TMEM117: variants seen among roughly 807,000 people sequenced by gnomAD.
TMEM117 encodes transmembrane protein 117.
TMEM117 carries 27 observed loss-of-function variants against 52.4 expected under a neutral mutation model. The observed-to-expected ratio is 0.51, with a 90% CI of 0.38 to 0.71. TMEM117 has a LOEUF of 0.71. Among genes scored for constraint, TMEM117 ranks in the 30% least tolerant of loss-of-function variants. The pLI is 0.00. For missense variants in TMEM117, 556 were observed against 630.5 expected (o/e 0.88, Z 1.26); for synonymous variants, 215 against 206.3 (o/e 1.04, Z -0.36).
chr12:43,844,601 CCTAT>C lies in TMEM117; in HGVS notation c.-28-16_-28-13del. The stretch of plus-strand genomic sequence containing the variant: ...CCATTACTTGTTTTCCTCCTCTAAC[CCTAT>C]CTATCTTTTCTTATACAGGTAAACT... On this transcript the variant is annotated intron_variant, in intron 1 of 7. Transcript: ENST00000266534. The C allele has an allele frequency of 6.4e-7, 1 of 1,570,722 alleles. No homozygotes were observed. The highest frequency in any genetic ancestry group is 2.2e-5 in the East Asian group (1 of 44,632).
chr12:43,865,509 C>A (rs1943576379), intron 2 of TMEM117, among the ~76,000 whole-genome samples: 2 of 151,892 alleles, frequency 1.3e-5, no homozygotes, highest in Admixed American at 1.3e-4. Flanking sequence ...CCAGCCTGGC[C>A]AGCATCATGA....
At chr12:43,894,904 A>T (rs1944172268) in intron 2 of TMEM117, among the ~76,000 whole-genome samples, 1 of 152,228 alleles carries the variant, frequency 6.6e-6, no homozygotes, top group Non-Finnish European at 1.5e-5. Flanking sequence ...ATATATACAG[A>T]AATAAAAACT....
chr12:44,035,283 G>A (rs1051168898), intron 3 of TMEM117, among the ~76,000 whole-genome samples: 2 of 152,114 alleles, frequency 1.3e-5, no homozygotes, highest in Non-Finnish European at 1.5e-5. Context: ...GGATGGTCTC[G>A]TTTTTCTCAC....
intron 2 of TMEM117, among the ~76,000 whole-genome samples, chr12:43,894,610 G>C (rs1318426835): frequency 6.6e-6 from 1 of 151,668 alleles, no homozygotes; most frequent in Non-Finnish European, 1.5e-5. Flanking sequence ...AAGTCTGTGT[G>C]TTCTCATCAT....
chr12:44,304,904 G>A (rs1042619871), intron 6 of TMEM117, among the ~76,000 whole-genome samples: 3 of 152,182 alleles, frequency 2.0e-5, no homozygotes, highest in Admixed American at 6.5e-5. Flanking sequence ...TGGCCATGGC[G>A]AGATATTCCT....
chr12:44,357,518 G>T (rs1467252667), intron 6 of TMEM117, among the ~76,000 whole-genome samples: 2 of 152,030 alleles, frequency 1.3e-5, no homozygotes, highest in Non-Finnish European at 2.9e-5. Context: ...GATAGAGTGT[G>T]GCTATACATA....
rs573566448 is a variant in TMEM117 at position 44,241,784 on chromosome 12, T to G, written c.608+30397T>G. Among the ~76,000 whole-genome samples the G allele has an allele frequency of 3.3e-5, 5 of 152,130 alleles. No homozygotes were observed. The South Asian group carries it at 1.0e-3, about 32-fold the overall frequency. ...CATCTTCCCCCACAGTTTTGATATA[T>G]CATTGGCATTATATACTAATCTCTG... On this transcript the variant is annotated intron_variant, in intron 5 of 7. Coordinates refer to ENST00000266534, the MANE Select transcript of TMEM117 (RefSeq NM_032256.3).
In TMEM117 at chr12:44,359,372, T is replaced by C. The variant is rs1001444201; in HGVS notation, c.769-17223T>C. Among the ~76,000 whole-genome samples, 19 of 152,218 alleles carry C rather than the reference T, an allele frequency of 1.2e-4. No homozygotes were observed. In the South Asian group the frequency reaches 1.9e-3, roughly 15 times the overall value. On this transcript the variant is annotated intron_variant, in intron 6 of 7. Coordinates refer to ENST00000266534, the MANE Select transcript of TMEM117 (RefSeq NM_032256.3). ...TATAATTTTACTACAATAATAAAAC[T>C]AATTTGATATATTACCTTATGTCTT... is the stretch of plus-strand genomic sequence containing the variant.
chr12:44,129,917 C>T (rs1229544157), intron 3 of TMEM117, among the ~76,000 whole-genome samples: 3 of 152,154 alleles, frequency 2.0e-5, no homozygotes, highest in Non-Finnish European at 2.9e-5. Context: ...TCAGCTTCAT[C>T]GTTTATTATT....
At chr12:44,065,734 TGAGCAG>T (rs1161539007) in intron 3 of TMEM117, among the ~76,000 whole-genome samples, 2 of 152,154 alleles carry the variant, frequency 1.3e-5, no homozygotes, top group Non-Finnish European at 2.9e-5. Flanking sequence ...GTTCATATGG[TGAGCAG>T]CAGAGATGAG....
At chr12:43,906,916 G>A (rs535556690) in intron 2 of TMEM117, among the ~76,000 whole-genome samples, 4 of 152,358 alleles carry the variant, frequency 2.6e-5, no homozygotes, top group African/African-American at 9.6e-5. Context: ...GCGAGGCTGG[G>A]GGAGGGGCGC....
chr12:43,976,421 T>A (rs1945671477), intron 3 of TMEM117, among the ~76,000 whole-genome samples: 1 of 151,998 alleles, frequency 6.6e-6, no homozygotes, highest in Non-Finnish European at 1.5e-5. Context: ...CTGGCAACGC[T>A]CACATTTATT....
At chr12:43,874,980 T>C (rs1477979227) in intron 2 of TMEM117, among the ~76,000 whole-genome samples, 1 of 152,166 alleles carries the variant, frequency 6.6e-6, no homozygotes, top group Non-Finnish European at 1.5e-5. Context: ...TAAATAACAT[T>C]TGACATTTGA....
At chr12:44,143,251 G>T (rs1189248702) in intron 3 of TMEM117, among the ~76,000 whole-genome samples, 1 of 152,170 alleles carries the variant, frequency 6.6e-6, no homozygotes, top group African/African-American at 2.4e-5. Flanking sequence ...ATTTCTGTTT[G>T]ATTTTTCAAA....
intron 3 of TMEM117, among the ~76,000 whole-genome samples, chr12:43,995,202 C>T (rs574875497): frequency 5.4e-4 from 82 of 150,554 alleles, no homozygotes; most frequent in African/African-American, 1.8e-3. Flanking sequence ...ACCCGGGAGG[C>T]GGAGCTTGCA....
chr12:44,140,866 A>T (rs534944682), intron 3 of TMEM117, among the ~76,000 whole-genome samples: 2 of 151,948 alleles, frequency 1.3e-5, no homozygotes, highest in Non-Finnish European at 2.9e-5. Flanking sequence ...CTCTTTAGAG[A>T]TTTTACTTAG....
At chr12:44,075,476 G>A (rs1947367623) in intron 3 of TMEM117, among the ~76,000 whole-genome samples, 1 of 152,212 alleles carries the variant, frequency 6.6e-6, no homozygotes, top group Non-Finnish European at 1.5e-5. Context: ...TGAACAAGGA[G>A]ATCCATATTT....
chr12:43,965,158 A>G (rs59285472), intron 3 of TMEM117, among the ~76,000 whole-genome samples: 4,488 of 152,298 alleles, frequency 0.029, 208 homozygotes, highest in African/African-American at 0.1. Context: ...AGACATACGC[A>G]TTCAAGTCAG....
intron 2 of TMEM117, among the ~76,000 whole-genome samples, chr12:43,932,965 T>C (rs1273483395): frequency 1.3e-5 from 2 of 152,276 alleles, no homozygotes; most frequent in African/African-American, 2.4e-5. Flanking sequence ...GTGGATGACA[T>C]GGCAGAATCT....
Sources: gnomAD v4.1 joint callset for allele counts (sites outside exome capture counted in the v4.1 genomes callset) on GRCh38, gnomAD v4.1.1 for gene constraint, MANE v1.5 for transcripts, NCBI Gene and HGNC (gene_info 2026-07-23, HGNC 2026-07-21) for gene names.